DZANK1: variants seen among roughly 807,000 people sequenced by gnomAD.
DZANK1 encodes the protein double zinc ribbon and ankyrin repeat domains 1, also known as double zinc ribbon and ankyrin repeat-containing protein 1.
In DZANK1, 91 loss-of-function variants were observed where a neutral mutation model predicts 94.5. That is an observed-to-expected ratio of 0.96 (90% CI 0.81 to 1.15). The LOEUF (loss-of-function observed/expected upper bound fraction) is 1.15, where lower values mean the gene tolerates loss of function less well. Ranked by LOEUF, DZANK1 falls within the 50% of genes most tolerant of loss-of-function variation. DZANK1 has a pLI of 0.00. For missense variants in DZANK1, 903 were observed against 916.4 expected (o/e 0.99, Z 0.19); for synonymous variants, 312 against 325.3 (o/e 0.96, Z 0.44).
chr20:18,464,718 T>C (rs1219851652), intron 2 of DZANK1, among the ~76,000 whole-genome samples: 2 of 130,590 alleles, frequency 1.5e-5, no homozygotes, highest in Non-Finnish European at 3.2e-5. Context: ...CTCTGTTGCC[T>C]AGGCTGGAGT....
intron 10 of DZANK1, among the ~76,000 whole-genome samples, chr20:18,421,939 C>G (rs983372802): frequency 2.6e-5 from 4 of 152,060 alleles, no homozygotes; most frequent in African/African-American, 9.7e-5. Context: ...TGTTTGAGTT[C>G]CTTATATGTA....
At chr20:18,454,091 G>T in intron 4 of DZANK1, 1 of 534,292 alleles carries the variant, frequency 1.9e-6, no homozygotes, top group South Asian at 1.5e-5. Context: ...CATGCAGGCA[G>T]GATGTTACAA....
chr20:18,434,010 A>G (rs2058401714), intron 8 of DZANK1: 2 of 435,402 alleles, frequency 4.6e-6, no homozygotes, highest in Non-Finnish European at 8.2e-6. Flanking sequence ...CTCTGATTTG[A>G]CCACTACACA....
At chr20:18,412,574 G>T (rs2057307359) in intron 13 of DZANK1, 72 bp downstream of exon 13, 1 of 1,433,864 alleles carries the variant, frequency 7.0e-7, no homozygotes, top group South Asian at 1.2e-5. Flanking sequence ...AAAAGGAAGA[G>T]AAAATGAAAT....
intron 6 of DZANK1, chr20:18,451,975 T>C (rs903110513): frequency 3.9e-6 from 2 of 515,844 alleles, no homozygotes; most frequent in African/African-American, 3.9e-5. Flanking sequence ...GCCAAACAGA[T>C]ACCATTTACA....
intron 8 of DZANK1, among the ~76,000 whole-genome samples, chr20:18,437,766 C>A (rs1245837958): frequency 1.3e-5 from 2 of 151,944 alleles, no homozygotes; most frequent in African/African-American, 2.4e-5. Context: ...AATATATACA[C>A]CAACTATGTA....
chr20:18,403,204 A>G (rs1378723068), intron 13 of DZANK1, among the ~76,000 whole-genome samples: 1 of 152,216 alleles, frequency 6.6e-6, no homozygotes, highest in Non-Finnish European at 1.5e-5. Flanking sequence ...CTCATGGGAT[A>G]GATGTTCTAC....
At chr20:18,450,624 G>A (rs1197314657) in intron 6 of DZANK1, among the ~76,000 whole-genome samples, 1 of 152,208 alleles carries the variant, frequency 6.6e-6, no homozygotes, top group African/African-American at 2.4e-5. Context: ...TTCAGTCCCT[G>A]GGTGATTCTG....
chr20:18,455,283 G>T, exon 4 of DZANK1: 1 of 1,608,262 alleles, frequency 6.2e-7, no homozygotes, highest in South Asian at 1.1e-5. Flanking sequence ...TTTCAACATT[G>T]TCTTCAGGAG....
chr20:18,415,475 G>C (rs911703562), intron 10 of DZANK1, 26 bp from the exon 11 acceptor site: 1 of 1,477,912 alleles, frequency 6.8e-7, no homozygotes, highest in African/African-American at 1.4e-5. Flanking sequence ...GCATTTAAAG[G>C]CAGGATCAGT....
chr20:18,445,908 C>T (rs1243344983), intron 7 of DZANK1, among the ~76,000 whole-genome samples: 1 of 151,980 alleles, frequency 6.6e-6, no homozygotes, highest in Non-Finnish European at 1.5e-5. Flanking sequence ...CAGGCATGTG[C>T]CACCATGCCT....
intron 9 of DZANK1, among the ~76,000 whole-genome samples, chr20:18,431,862 T>C (rs2058298221): frequency 6.6e-6 from 1 of 152,246 alleles, no homozygotes. Context: ...GCACATTTTC[T>C]AAATCTCATC....
intron 13 of DZANK1, 90 bp from the exon 14 acceptor site, chr20:18,398,716 G>T: frequency 1.6e-6 from 2 of 1,277,774 alleles, no homozygotes; most frequent in Non-Finnish European, 2.2e-6. Context: ...TCTTAGAGAG[G>T]TTAATTTCCT....
intron 8 of DZANK1, among the ~76,000 whole-genome samples, chr20:18,434,202 G>T (rs932721547): frequency 6.6e-6 from 1 of 151,778 alleles, no homozygotes; most frequent in African/African-American, 2.4e-5. Flanking sequence ...ATATCCATAG[G>T]AAATTGTAGC....
At chr20:18,393,666 A>T in intron 17 of DZANK1, 45 bp downstream of exon 17, 1 of 1,270,686 alleles carries the variant, frequency 7.9e-7, no homozygotes, top group Non-Finnish European at 1.1e-6. Context: ...CCTGAAAATC[A>T]CAGGCTGAAG....
chr20:18,416,670 T>C lies in DZANK1; in HGVS notation c.955-1221A>G, dbSNP rs188996047. On this transcript the variant is annotated intron_variant, in intron 10 of 20. Coordinates refer to ENST00000262547, the Ensembl canonical transcript of DZANK1. Reference sequence around the variant, plus strand: ...CGTTTTGCTTCAGGGACCGCTCTGTTATCTAGAATAGAAACCTACTCAAGA... The same window carrying C: ...CGTTTTGCTTCAGGGACCGCTCTGTCATCTAGAATAGAAACCTACTCAAGA... Among the ~76,000 whole-genome samples the C allele has an allele frequency of 2.0e-5, 3 of 152,280 alleles. No individual in the cohort carries two copies. In the East Asian group the frequency reaches 5.8e-4, roughly 29 times the overall value.
intron 13 of DZANK1, 46 bp downstream of exon 13, chr20:18,412,598 AAG>A: frequency 6.5e-7 from 1 of 1,548,476 alleles, no homozygotes; most frequent in Non-Finnish European, 8.9e-7. Flanking sequence ...CTTTCACAGA[AAG>A]AGTGAATTCC....
intron 18 of DZANK1, 45 bp downstream of exon 18, chr20:18,390,334 C>G (rs957704298): frequency 6.3e-7 from 1 of 1,577,124 alleles, no homozygotes; most frequent in Middle Eastern, 1.7e-4. Flanking sequence ...GGTGGAATGC[C>G]AGGCTGAACT....
chr20:18,457,756 T>G (rs940525849), intron 3 of DZANK1, among the ~76,000 whole-genome samples: 2 of 152,314 alleles, frequency 1.3e-5, no homozygotes, highest in Non-Finnish European at 2.9e-5. Flanking sequence ...TCTACATGTA[T>G]CCACTGGCCA....
Sources: gnomAD v4.1 joint callset for allele counts (sites outside exome capture counted in the v4.1 genomes callset) on GRCh38, gnomAD v4.1.1 for gene constraint, MANE v1.5 for transcripts, NCBI Gene and HGNC (gene_info 2026-07-23, HGNC 2026-07-21) for gene names.